C2orf15: variants seen among roughly 807,000 people sequenced by gnomAD.
C2orf15 encodes uncharacterized protein C2orf15.
In C2orf15, 3 loss-of-function variants were observed where a neutral mutation model predicts 4.4. The ratio of observed to expected loss-of-function variants is 0.67; its 90% CI spans 0.31 to 1.74. C2orf15 has a LOEUF of 1.74. C2orf15 is among the 40% of genes most tolerant of loss of function. The probability of loss-of-function intolerance (pLI) is 0.09; values close to 1 mark genes in which losing one functional copy is unlikely to be tolerated. For synonymous variants in C2orf15, 37 were observed against 36.8 expected, an observed-to-expected ratio of 1.00 and a Z score of -0.02; for missense variants, 90 against 103.3, an observed-to-expected ratio of 0.87 and a Z score of 0.56.
chr2:99,147,259 C>G, intron 2 of C2orf15, 143 bp from the exon 3 acceptor site: 1 of 478,020 alleles, frequency 2.1e-6, no homozygotes, highest in Non-Finnish European at 3.7e-6. Context: ...CCTTGGCCTC[C>G]CAAAGTGCTG....
At position 99,149,504 on chromosome 2, in the gene C2orf15, G is replaced by A. The variant is rs183876230; in HGVS notation, c.-76-979G>A. Among the ~76,000 whole-genome samples the A allele has an allele frequency of 5.7e-4, 84 of 147,778 alleles. 1 individual carries two copies. In the East Asian group the frequency reaches 8.5e-3, roughly 15 times the overall value. The stretch of plus-strand genomic sequence containing the variant: ...GTCGCCCAGGCTGGAGTGCAGTGGC[G>A]CGATCTCGGCTCACTGCAACCTCAG... On this transcript the variant is annotated intron_variant, in intron 3 of 3. Transcript: ENST00000650052.
chr2:99,146,441 G>T (rs1156995729), intron 2 of C2orf15, among the ~76,000 whole-genome samples: 1 of 151,706 alleles, frequency 6.6e-6, no homozygotes, highest in East Asian at 1.9e-4. Flanking sequence ...CTATCTTTTT[G>T]TTTATATTTT....
At chr2:99,144,114 G>A (rs1485173622) in intron 2 of C2orf15, among the ~76,000 whole-genome samples, 6 of 152,206 alleles carry the variant, frequency 3.9e-5, no homozygotes, top group South Asian at 2.1e-4. Context: ...TCTGCCTCGC[G>A]GCTTCACGCC....
At chr2:99,146,524 T>C (rs1391076840) in intron 2 of C2orf15, among the ~76,000 whole-genome samples, 1 of 152,242 alleles carries the variant, frequency 6.6e-6, no homozygotes, top group African/African-American at 2.4e-5. Context: ...TTAAGCTTTT[T>C]AGTCTTGTTC....
chr2:99,147,497 A>AG lies in C2orf15; in HGVS notation c.-77+5dup. 6.2e-7 allele frequency: 1 copy of AG among 1,613,912 alleles called. No homozygotes were observed. On this transcript the variant is annotated splice_donor_region_variant and intron_variant, in intron 3 of 3. Transcript: ENST00000650052. ...CCTCAACTCTGGGGAAGTTAAGGTAAGACTCACAGGGCCAAGTCTACCCTA... is the reference window on the plus strand; with the variant it reads ...CCTCAACTCTGGGGAAGTTAAGGTAAGGACTCACAGGGCCAAGTCTACCCTA...
intron 2 of C2orf15, 24 bp downstream of exon 2, chr2:99,142,425 C>T (rs910364957): frequency 6.6e-6 from 1 of 152,154 alleles, no homozygotes; most frequent in Non-Finnish European, 1.5e-5. Context: ...TTTCCCCCCA[C>T]AAGATATCAT....
intron 2 of C2orf15, among the ~76,000 whole-genome samples, chr2:99,144,312 C>T (rs1574755445): frequency 6.6e-6 from 1 of 152,128 alleles, no homozygotes; most frequent in South Asian, 2.1e-4. Context: ...TGAGCCACCG[C>T]GCCCGGCCTG....
At chr2:99,148,529 C>T (rs1357942710) in intron 3 of C2orf15, among the ~76,000 whole-genome samples, 1 of 152,188 alleles carries the variant, frequency 6.6e-6, no homozygotes, top group East Asian at 1.9e-4. Context: ...TTGTTATAAA[C>T]ACTGATATTC....
rs1217481381 is a variant in C2orf15 at position 99,144,182 on chromosome 2, G to A, written c.-169+1781G>A. Among the ~76,000 whole-genome samples, 10 of 152,048 alleles carry A rather than the reference G, an allele frequency of 6.6e-5. No homozygotes were observed. In the East Asian group the frequency reaches 9.7e-4, roughly 15 times the overall value. On this transcript the variant is annotated intron_variant, in intron 2 of 3. Coordinates refer to ENST00000650052, the MANE Select transcript of C2orf15 (RefSeq NM_144706.4). ...ACTACAGGCGCCCACCACCACGCCC[G>A]GCTAATTTTTTTGTATTTTTAGTAG...
chr2:99,143,471 TC>T (rs2093599307), intron 2 of C2orf15, among the ~76,000 whole-genome samples: 3 of 149,894 alleles, frequency 2.0e-5, no homozygotes, highest in Non-Finnish European at 3.0e-5. Context: ...TTTTTTTTTT[TC>T]CTTTTTTTTA....
chr2:99,143,581 C>T (rs879640023), intron 2 of C2orf15, among the ~76,000 whole-genome samples: 3 of 151,954 alleles, frequency 2.0e-5, no homozygotes, highest in Admixed American at 6.6e-5. Flanking sequence ...AGCAGTTCTC[C>T]TGCCTTAGCC....
intron 3 of C2orf15, among the ~76,000 whole-genome samples, chr2:99,149,795 T>C (rs1466668090): frequency 7.0e-6 from 1 of 142,854 alleles, no homozygotes; most frequent in Non-Finnish European, 1.6e-5. Flanking sequence ...CTTTTTTTTT[T>C]TTTTTTTTTT....
At chr2:99,150,360 A>C in intron 3 of C2orf15, 123 bp from the exon 4 acceptor site, 1 of 562,440 alleles carries the variant, frequency 1.8e-6, no homozygotes, top group East Asian at 3.0e-5. Context: ...AAACACTGAA[A>C]GGTAGGAGGC....
chr2:99,149,543 C>A (rs2105149737), intron 3 of C2orf15, among the ~76,000 whole-genome samples: 1 of 146,798 alleles, frequency 6.8e-6, no homozygotes, highest in Non-Finnish European at 1.5e-5. Flanking sequence ...CCCGGGTTCA[C>A]ACCATTCTTC....
rs1355221119 is a variant in C2orf15 at position 99,150,776 on chromosome 2, T to G, written c.218T>G (p.Leu73Trp). 7 of 1,611,848 alleles carry G rather than the reference T, an allele frequency of 4.3e-6. No individual in the cohort carries two copies. In the Admixed American group the frequency reaches 1.0e-4, roughly 23 times the overall value. Reference sequence around the variant, plus strand: ...ACAGGATCTCTTTCTGGGAAAGCCTTGGGTTCAGTGGTATATGTCAAAGAA... The same window carrying G: ...ACAGGATCTCTTTCTGGGAAAGCCTGGGGTTCAGTGGTATATGTCAAAGAA... ...TGTGSLSGKA[L>W]GSVVYVKESD... The change falls in exon 4 of 4, where the codon TTG (leucine) becomes TGG (tryptophan). Residue 73 changes from leucine to tryptophan, a missense_variant. Physicochemically the swap from Leu to Trp is moderately conservative, Grantham distance 61 (BLOSUM62 -2). Coordinates refer to ENST00000650052, the MANE Select transcript of C2orf15 (RefSeq NM_144706.4).
chr2:99,143,211 G>A (rs1223563695), intron 2 of C2orf15, among the ~76,000 whole-genome samples: 11 of 135,858 alleles, frequency 8.1e-5, no homozygotes, highest in Admixed American at 8.5e-5. Flanking sequence ...GCACGATCTC[G>A]GCTCACTGCA....
chr2:99,147,604 C>T (rs1156801400), intron 3 of C2orf15, 111 bp downstream of exon 3: 6 of 917,578 alleles, frequency 6.5e-6, no homozygotes, highest in African/African-American at 3.3e-5. Context: ...CATTCTTTTA[C>T]GTTTGTTGAT....
intron 3 of C2orf15, among the ~76,000 whole-genome samples, chr2:99,149,822 C>T (rs1158649704): frequency 4.4e-5 from 6 of 136,912 alleles, no homozygotes; most frequent in East Asian, 4.4e-4. Context: ...GACAGAGTCT[C>T]GCTCTTGTCG....
At position 99,150,479 on chromosome 2, in the gene C2orf15, T is replaced by C. The variant is rs757620925; in HGVS notation, c.-76-4T>C. 34 of 1,463,170 alleles carry C rather than the reference T, an allele frequency of 2.3e-5. No homozygotes were observed. The East Asian group carries it at 3.5e-4, about 15-fold the overall frequency. 90.6% of individuals were successfully genotyped at this position (1,463,170 alleles called of 1,614,324 possible). ...TCACTTGTTACTTTTTTTTTTTTTT[T>C]CAGTAATCAAGTTGAAGAAACACTT... On this transcript the variant is annotated splice_region_variant and splice_polypyrimidine_tract_variant and intron_variant, in intron 3 of 3. Transcript: ENST00000650052.
Sources: gnomAD v4.1 joint callset for allele counts (sites outside exome capture counted in the v4.1 genomes callset) on GRCh38, gnomAD v4.1.1 for gene constraint, MANE v1.5 for transcripts, NCBI Gene and HGNC (gene_info 2026-07-23, HGNC 2026-07-21) for gene names.